The following ACKR5 variants were observed in gnomAD, a reference collection of about 807,000 sequenced individuals.
The protein encoded by ACKR5 is atypical chemokine receptor 5, also known as G protein-coupled receptor 182.
chr12:56,994,499 A>G, the ACKR5 span: 1 of 152,554 alleles, frequency 6.6e-6, no homozygotes, highest in African/African-American at 2.4e-5. Context: ...CTCAGCAGTG[A>G]CAGCTACTTC....
chr12:56,995,594 A>G, the ACKR5 span: 13 of 1,613,972 alleles, frequency 8.1e-6, no homozygotes, highest in Non-Finnish European at 1.1e-5. The surrounding 1 kb of genome is among the most constrained non-coding windows in gnomAD (Gnocchi z 4.7). Context: ...CTGCCGCTTC[A>G]CTCACTACTT....
the ACKR5 span, chr12:56,996,754 C>CG: frequency 2.6e-5 from 7 of 266,110 alleles, no homozygotes; most frequent in Non-Finnish European, 5.0e-5. Context: ...AAGAGGTGCT[C>CG]GGCAGAGGAA....
At chr12:56,996,073 C>T in the ACKR5 span, 2 of 1,612,922 alleles carry the variant, frequency 1.2e-6, no homozygotes, top group Non-Finnish European at 1.7e-6. Flanking sequence ...GGACCCACAT[C>T]TCCCTCCACT....
At chr12:56,998,394 C>G in the ACKR5 span, 1 of 152,320 alleles carries the variant, frequency 6.6e-6, no homozygotes, top group African/African-American at 2.4e-5. Context: ...TCTGTCTCCT[C>G]TGTGGATTCA....
At chr12:56,998,728 A>G in the ACKR5 span, 2 of 152,630 alleles carry the variant, frequency 1.3e-5, no homozygotes, top group African/African-American at 4.8e-5. Flanking sequence ...TACCTGAAAG[A>G]ATTCTGGCAT....
the ACKR5 span, chr12:56,997,602 G>C: frequency 6.6e-6 from 1 of 152,198 alleles, no homozygotes; most frequent in African/African-American, 2.4e-5. Flanking sequence ...CCCTGTCCAT[G>C]AAGAACTCTG....
At chr12:56,996,164 C>A in the ACKR5 span, 6 of 1,614,134 alleles carry the variant, frequency 3.7e-6, no homozygotes, top group Non-Finnish European at 5.1e-6. Context: ...CAACCCCATC[C>A]TTTACAACTT....
chr12:56,995,217 T>G, the ACKR5 span: 1 of 1,612,502 alleles, frequency 6.2e-7, no homozygotes, highest in Non-Finnish European at 8.5e-7. The surrounding 1 kb of genome is among the most constrained non-coding windows in gnomAD (Gnocchi z 4.7). Flanking sequence ...CCAATGTCAG[T>G]GAAACCCAGC....
chr12:56,995,790 T>A, the ACKR5 span: 3 of 1,614,156 alleles, frequency 1.9e-6, no homozygotes, highest in Non-Finnish European at 2.5e-6. This position sits in a 1 kb window ranked among gnomAD's most constrained non-coding sequence, Gnocchi z 4.7. Flanking sequence ...CACATCCAGC[T>A]GGTGGAGGGC....
chr12:56,995,812 G>T, the ACKR5 span: 1 of 1,614,134 alleles, frequency 6.2e-7, no homozygotes, highest in Non-Finnish European at 8.5e-7. This position sits in a 1 kb window ranked among gnomAD's most constrained non-coding sequence, Gnocchi z 4.7. Flanking sequence ...CTGAGCCCAT[G>T]TGCCTCTTCA....
chr12:56,995,128 T>A, the ACKR5 span: 2 of 1,336,956 alleles, frequency 1.5e-6, no homozygotes, highest in Non-Finnish European at 2.1e-6. The surrounding 1 kb of genome is among the most constrained non-coding windows in gnomAD (Gnocchi z 4.7). Flanking sequence ...CCCTCTGGCC[T>A]CTACCTTGAG....
At chr12:56,995,263 GCCTACCAGTGA>G in the ACKR5 span, 3 of 1,613,982 alleles carry the variant, frequency 1.9e-6, no homozygotes, top group Non-Finnish European at 2.5e-6. This position sits in a 1 kb window ranked among gnomAD's most constrained non-coding sequence, Gnocchi z 4.7. Context: ...TCACCGCAGT[GCCTACCAGTGA>G]CCTTGGAGAG....
At chr12:56,994,661 C>T in the ACKR5 span, 1 of 156,008 alleles carries the variant, frequency 6.4e-6, no homozygotes, top group African/African-American at 2.4e-5. Context: ...GAGTGTCGCC[C>T]TCTCCCAGGG....
the ACKR5 span, chr12:56,996,032 C>A: frequency 3.1e-6 from 5 of 1,610,842 alleles, no homozygotes; most frequent in East Asian, 2.2e-5. Flanking sequence ...GCTGCCCTAT[C>A]ATGTGACCCT....
At chr12:56,995,896 G>T in the ACKR5 span, 1 of 1,612,456 alleles carries the variant, frequency 6.2e-7, no homozygotes. The surrounding 1 kb of genome is among the most constrained non-coding windows in gnomAD (Gnocchi z 4.7). Flanking sequence ...GCTTCCTGCT[G>T]CCCTTCCCTC....
At chr12:56,994,565 GC>G in the ACKR5 span, 2 of 153,208 alleles carry the variant, frequency 1.3e-5, no homozygotes, top group Non-Finnish European at 2.9e-5. Context: ...ACAGCCAAGG[GC>G]CCCCCAGCCT....
the ACKR5 span, chr12:56,996,168 AC>A: frequency 6.2e-7 from 1 of 1,613,932 alleles, no homozygotes; most frequent in South Asian, 1.1e-5. Context: ...CCCATCCTTT[AC>A]AACTTTCTCA....
the ACKR5 span, chr12:56,996,467 G>A: frequency 1.3e-6 from 2 of 1,525,608 alleles, no homozygotes; most frequent in Non-Finnish European, 1.8e-6. Flanking sequence ...AAAGGCACAG[G>A]TGAGAGTATA....
the ACKR5 span, chr12:56,997,878 G>A: frequency 1.4e-4 from 21 of 152,334 alleles, 4 homozygotes; most frequent in African/African-American, 5.1e-4. Flanking sequence ...ATGCACCCAG[G>A]TTTGTCAGGA....
Sources: allele counts gnomAD v4.1 joint callset, GRCh38; gene constraint gnomAD v4.1.1; non-coding constraint Gnocchi (gnomAD v3.1); transcripts MANE v1.5; gene names NCBI Gene and HGNC (gene_info 2026-07-23, HGNC 2026-07-21).